Variants in DOCK8 observed in about 807,000 individuals in gnomAD.
DOCK8 encodes the protein dedicator of cytokinesis protein 8.
A neutral mutation model predicts 245.6 loss-of-function variants in DOCK8; 141 were observed. The ratio of observed to expected loss-of-function variants is 0.57; its 90% CI spans 0.50 to 0.66. The LOEUF (loss-of-function observed/expected upper bound fraction) is 0.66, where lower values mean the gene tolerates loss of function less well. DOCK8 is among the 30% of genes least tolerant of loss of function. DOCK8 has a pLI of 0.00. For missense variants in DOCK8, 2,965 were observed against 2,603.4 expected, an observed-to-expected ratio of 1.14 and a Z score of -3.02; for synonymous variants, 1,168 against 970.2, an observed-to-expected ratio of 1.20 and a Z score of -3.79.
chr9:261,583 G>A (rs929352505), intron 1 of DOCK8, among the ~76,000 whole-genome samples: 3 of 152,168 alleles, frequency 2.0e-5, no homozygotes, highest in African/African-American at 7.2e-5. Context: ...GTACTCTGAA[G>A]TTAGGCATAG....
chr9:343,714 C>A (rs191497226), intron 14 of DOCK8, among the ~76,000 whole-genome samples: 2 of 152,262 alleles, frequency 1.3e-5, no homozygotes, highest in Admixed American at 1.3e-4. Context: ...GCAGTAGTTT[C>A]GATTCTCTAT....
At chr9:451,413 A>G (rs1301808442) in intron 45 of DOCK8, among the ~76,000 whole-genome samples, 3 of 152,156 alleles carry the variant, frequency 2.0e-5, no homozygotes, top group African/African-American at 2.4e-5. Context: ...CCTTGAGGCC[A>G]GGAGTTCAAG....
At chr9:371,208 C>G (rs929270407) in intron 16 of DOCK8, among the ~76,000 whole-genome samples, 1 of 145,186 alleles carries the variant, frequency 6.9e-6, no homozygotes, top group Non-Finnish European at 1.5e-5. Flanking sequence ...TTTGTTTTTC[C>G]TGACAAAGCC....
At chr9:319,486 C>A (rs1358830217) in intron 7 of DOCK8, among the ~76,000 whole-genome samples, 1 of 152,052 alleles carries the variant, frequency 6.6e-6, no homozygotes, top group East Asian at 1.9e-4. Context: ...AAAAGACAGC[C>A]CTCCGAGTAA....
chr9:415,004 C>T (rs1478249821), intron 29 of DOCK8, 53 bp downstream of exon 29: 2 of 1,601,656 alleles, frequency 1.2e-6, no homozygotes, highest in Non-Finnish European at 1.7e-6. Context: ...CTGCCAAATG[C>T]CCCATCCGAA....
At position 336,069 on chromosome 9, in the gene DOCK8, C is replaced by A. The variant is rs2051296169; in HGVS notation, c.1286-513C>A. On this transcript the variant is annotated intron_variant, in intron 11 of 47. Coordinates refer to ENST00000432829, the MANE Select transcript of DOCK8 (RefSeq NM_203447.4). Reference sequence around the variant, plus strand: ...TCTAATTCCCATTGGGCAGATCACCCAAGGCAGAAACTCAGTCTTGCTGCC... The same window carrying A: ...TCTAATTCCCATTGGGCAGATCACCAAAGGCAGAAACTCAGTCTTGCTGCC... 2.0e-5 allele frequency among the ~76,000 whole-genome samples: 3 copies of A among 152,172 alleles called. No individual in the cohort carries two copies. The South Asian group carries it at 6.2e-4, about 32-fold the overall frequency.
intron 45 of DOCK8, 82 bp downstream of exon 45, chr9:450,009 G>A (rs767776840): frequency 3.4e-6 from 5 of 1,485,232 alleles, no homozygotes; most frequent in Non-Finnish European, 4.6e-6. Flanking sequence ...CTTCCTTGGG[G>A]TTGATGAGGA....
chr9:258,868 G>A (rs1473922609), intron 1 of DOCK8, among the ~76,000 whole-genome samples: 1 of 152,018 alleles, frequency 6.6e-6, no homozygotes, highest in Admixed American at 6.6e-5. Context: ...AAAGTGTTGG[G>A]ATTACGGGCG....
At chr9:270,605 G>C (rs1397577972) in intron 1 of DOCK8, among the ~76,000 whole-genome samples, 1 of 152,138 alleles carries the variant, frequency 6.6e-6, no homozygotes, top group African/African-American at 2.4e-5. Context: ...GTATGCCCTA[G>C]CACACGTTTT....
chr9:368,239 A>G (rs758843153), intron 15 of DOCK8, 104 bp downstream of exon 15: 2 of 956,366 alleles, frequency 2.1e-6, no homozygotes, highest in South Asian at 2.6e-5. Context: ...CGTCTATTCC[A>G]GGCCAATACT....
chr9:345,633 A>G (rs1227647709), intron 14 of DOCK8, among the ~76,000 whole-genome samples: 1 of 152,126 alleles, frequency 6.6e-6, no homozygotes, highest in Non-Finnish European at 1.5e-5. Context: ...GCCTCAGGTA[A>G]AGTTGGCTTG....
At position 304,596 on chromosome 9, in the gene DOCK8, A is replaced by G. The variant is rs1416647428; in HGVS notation, c.420A>G (p.Pro140=). 1.9e-6 allele frequency: 3 copies of G among 1,614,220 alleles called. No homozygotes were observed. The highest frequency in any genetic ancestry group is 1.1e-5 in the South Asian group (1 of 91,084). The change falls in exon 5 of 48, where the codon CCA becomes CCG. Residue 140 remains proline (P), a synonymous_variant. Coordinates refer to ENST00000432829, the MANE Select transcript of DOCK8 (RefSeq NM_203447.4). ...ACCATAAAAGAAACCAAGGAAGTCC[A>G]GAAATCTGTGGCTTTAAAAAGACTG... ...LIVNRKNQGS[P]EICGFKKTGS... is the part of the protein sequence containing the mutation.
At chr9:329,904 T>G (rs2050931715) in intron 9 of DOCK8, among the ~76,000 whole-genome samples, 1 of 152,248 alleles carries the variant, frequency 6.6e-6, no homozygotes. Flanking sequence ...TTTAAGAAAT[T>G]GAAATCTACT....
At chr9:443,559 C>T (rs988986196) in intron 43 of DOCK8, 43 bp downstream of exon 43, 7 of 1,475,170 alleles carry the variant, frequency 4.7e-6, no homozygotes, top group Admixed American at 3.3e-5. Context: ...GCTCTAAATC[C>T]CTTCGTTCTC....
At chr9:392,231 G>A (rs2054232551) in intron 24 of DOCK8, among the ~76,000 whole-genome samples, 2 of 152,074 alleles carry the variant, frequency 1.3e-5, no homozygotes, top group Admixed American at 6.6e-5. Context: ...CAAGAAAAAG[G>A]GAGAAATGCT....
chr9:306,161 A>T (rs2049817278), intron 5 of DOCK8, among the ~76,000 whole-genome samples: 1 of 152,220 alleles, frequency 6.6e-6, no homozygotes, highest in African/African-American at 2.4e-5. Context: ...TTCAGCTTCC[A>T]TGTGTCTTCA....
At chr9:391,376 C>G (rs112639707) in intron 24 of DOCK8, among the ~76,000 whole-genome samples, 2 of 152,156 alleles carry the variant, frequency 1.3e-5, no homozygotes, top group African/African-American at 4.8e-5. Context: ...TTGGGTCTCT[C>G]TTGTGTATTA....
chr9:400,300 AT>A (rs2054821140), intron 26 of DOCK8, among the ~76,000 whole-genome samples: 1 of 43,544 alleles, frequency 2.3e-5, no homozygotes, highest in Non-Finnish European at 4.0e-5. Flanking sequence ...CACCACCACC[AT>A]CTTCACCGTC....
intron 20 of DOCK8, among the ~76,000 whole-genome samples, chr9:379,410 T>A (rs1337082531): frequency 6.6e-6 from 1 of 152,124 alleles, no homozygotes; most frequent in Non-Finnish European, 1.5e-5. Context: ...GGGCCTGAGA[T>A]TCTGCATTTC....
Sources: gnomAD v4.1 joint callset for allele counts (sites outside exome capture counted in the v4.1 genomes callset) on GRCh38, gnomAD v4.1.1 for gene constraint, MANE v1.5 for transcripts, NCBI Gene and HGNC (gene_info 2026-07-23, HGNC 2026-07-21) for gene names.